Variants in MTSS1 observed in about 807,000 individuals in gnomAD.
MTSS1 encodes protein MTSS 1.
Under a neutral mutation model 79.0 loss-of-function variants are expected in MTSS1, and 18 were observed. The ratio of observed to expected loss-of-function variants is 0.23; its 90% CI spans 0.16 to 0.34. The LOEUF is 0.34. Ranked by LOEUF, MTSS1 falls within the 10% of genes least tolerant of loss-of-function variation. The pLI, the probability that MTSS1 is intolerant of heterozygous loss-of-function variation, is 1.00. For synonymous variants in MTSS1, 341 were observed against 368.6 expected (o/e 0.93, Z 0.86); for missense variants, 815 against 986.2 (o/e 0.83, Z 2.33).
chr8:124,620,530 A>G (rs1397190867), intron 3 of MTSS1, among the ~76,000 whole-genome samples: 4 of 152,160 alleles, frequency 2.6e-5, no homozygotes, highest in Admixed American at 6.5e-5. Flanking sequence ...TCTTTTACCA[A>G]CATAAACCCT....
At position 124,727,581 on chromosome 8, in the gene MTSS1, A is replaced by C; in HGVS notation, c.72+303T>G. The C allele has an allele frequency of 7.3e-6, 4 of 548,728 alleles. No individual in the cohort carries two copies. Among genetic ancestry groups the C allele is most frequent in the Non-Finnish European group, 1.0e-5 (3 of 286,926 alleles). 34.0% of individuals were successfully genotyped at this position (548,728 alleles called of 1,614,324 possible). A position where few individuals can be genotyped will look rare whatever the true frequency, so the allele number is the denominator to read the frequency against. Reference sequence around the variant, plus strand: ...CTTACTTCAGGGACAGACAATGGGAAAACTTGCAGCCAGTGCCTTGAGCCC... The same window carrying C: ...CTTACTTCAGGGACAGACAATGGGACAACTTGCAGCCAGTGCCTTGAGCCC... On this transcript the variant is annotated intron_variant, in intron 1 of 13. Coordinates refer to ENST00000518547, the MANE Select transcript of MTSS1 (RefSeq NM_014751.6). This position sits in a 1 kb window ranked among gnomAD's most constrained non-coding sequence, Gnocchi z 4.7.
chr8:124,612,584 G>A (rs1836041672), intron 3 of MTSS1, among the ~76,000 whole-genome samples: 1 of 96,966 alleles, frequency 1.0e-5, no homozygotes, highest in African/African-American at 4.6e-5. Flanking sequence ...ATGTGTGTGT[G>A]TGTGTGTGTG....
intron 10 of MTSS1, among the ~76,000 whole-genome samples, chr8:124,562,450 C>T (rs1422763404): frequency 6.6e-6 from 1 of 152,158 alleles, no homozygotes; most frequent in Non-Finnish European, 1.5e-5. Flanking sequence ...GTGCAATGCC[C>T]TTTAATTATA....
intron 3 of MTSS1, among the ~76,000 whole-genome samples, chr8:124,654,459 G>C (rs1820580766): frequency 6.6e-6 from 1 of 152,162 alleles, no homozygotes; most frequent in Non-Finnish European, 1.5e-5. Context: ...CTATAGCAGA[G>C]AAGTTCTTCC....
At chr8:124,634,133 G>A (rs62530688) in intron 3 of MTSS1, among the ~76,000 whole-genome samples, 27,240 of 149,684 alleles carry the variant, frequency 0.18, 2,758 homozygotes, top group African/African-American at 0.28. Flanking sequence ...TTTGAGACAG[G>A]GTCTCACTCT....
chr8:124,668,014 G>A (rs1363002840), intron 3 of MTSS1, among the ~76,000 whole-genome samples: 1 of 152,074 alleles, frequency 6.6e-6, no homozygotes, highest in African/African-American at 2.4e-5. Flanking sequence ...CCTGAGTTCA[G>A]AGGGTCAAGG....
rs181534098 is a variant in MTSS1, at chr8:124,550,884, A to G, written c.*2108T>C. ...ACAATTGTTATTTATACAAGTTTAG[A>G]ACAAAAAACTGCACAGGGAGAGGTC... On this transcript the variant is annotated 3_prime_UTR_variant, in exon 14 of 14. Transcript: ENST00000518547. 1.3e-5 allele frequency: 2 copies of G among 152,740 alleles called. No homozygotes were observed. Among genetic ancestry groups the G allele is most frequent in the African/African-American group, 4.8e-5 (2 of 41,570 alleles). The allele number at this position is 152,740 out of a possible 1,614,324, so 9.5% of individuals were successfully genotyped here. A position where few individuals can be genotyped will look rare whatever the true frequency, so the allele number is the denominator to read the frequency against.
chr8:124,718,840 T>C (rs898111629), intron 1 of MTSS1, among the ~76,000 whole-genome samples: 5 of 152,150 alleles, frequency 3.3e-5, no homozygotes, highest in Non-Finnish European at 5.9e-5. Context: ...CACACTTCGA[T>C]CTCACAGCTC....
At chr8:124,601,114 G>A (rs546793258) in intron 3 of MTSS1, among the ~76,000 whole-genome samples, 13 of 142,460 alleles carry the variant, frequency 9.1e-5, no homozygotes, top group Admixed American at 5.9e-4. Context: ...AGGCTGGAGT[G>A]CAGTGGCGTG....
intron 3 of MTSS1, among the ~76,000 whole-genome samples, chr8:124,605,567 G>GCA (rs1834660179): frequency 1.5e-5 from 2 of 129,716 alleles, no homozygotes; most frequent in South Asian, 4.5e-4. Context: ...CTGCCCTCTC[G>GCA]CTGCCTCCCT....
chr8:124,569,440 T>A (rs1330132357), intron 6 of MTSS1, among the ~76,000 whole-genome samples: 3 of 152,204 alleles, frequency 2.0e-5, no homozygotes, highest in Non-Finnish European at 2.9e-5. Context: ...GACCATGGCC[T>A]CTTGCAAAAG....
chr8:124,580,497 A>G, intron 6 of MTSS1: 1 of 1,533,626 alleles, frequency 6.5e-7, no homozygotes, highest in African/African-American at 1.4e-5. Flanking sequence ...CGGAAAGCCC[A>G]CAGCAAGGAC....
intron 6 of MTSS1, 89 bp downstream of exon 6, chr8:124,584,998 G>A (rs2132527152): frequency 9.3e-7 from 1 of 1,080,136 alleles, no homozygotes; most frequent in East Asian, 2.4e-5. Context: ...CATACTTAAG[G>A]AAGTCTCTGA....
intron 5 of MTSS1, among the ~76,000 whole-genome samples, chr8:124,586,915 T>C (rs116514867): frequency 2.0e-5 from 3 of 152,188 alleles, no homozygotes; most frequent in African/African-American, 7.2e-5. Flanking sequence ...TTTTATTGGA[T>C]GAGTAGACCT....
intron 1 of MTSS1, among the ~76,000 whole-genome samples, chr8:124,723,601 T>C (rs1833263485): frequency 6.6e-6 from 1 of 152,210 alleles, no homozygotes; most frequent in Non-Finnish European, 1.5e-5. Flanking sequence ...ACCAAAAAGA[T>C]GACTCTACAT....
At chr8:124,717,335 T>C (rs1181337814) in intron 1 of MTSS1, among the ~76,000 whole-genome samples, 2 of 148,180 alleles carry the variant, frequency 1.3e-5, no homozygotes, top group East Asian at 2.0e-4. Context: ...TTACTAAAGA[T>C]ACAAAAAAAA....
At chr8:124,623,781 A>G (rs1814084853) in intron 3 of MTSS1, among the ~76,000 whole-genome samples, 2 of 152,144 alleles carry the variant, frequency 1.3e-5, no homozygotes, top group Non-Finnish European at 2.9e-5. Flanking sequence ...CCGGGACTAC[A>G]GGCCCACACC....
At chr8:124,607,383 C>T (rs1049046251) in intron 3 of MTSS1, among the ~76,000 whole-genome samples, 3 of 152,252 alleles carry the variant, frequency 2.0e-5, no homozygotes, top group Non-Finnish European at 4.4e-5. Context: ...TCTTCTTCTC[C>T]TCCTCTCTAT....
intron 3 of MTSS1, among the ~76,000 whole-genome samples, chr8:124,619,016 G>T (rs769273786): frequency 2.6e-5 from 4 of 152,210 alleles, no homozygotes; most frequent in Non-Finnish European, 4.4e-5. Flanking sequence ...TTAACGGCAG[G>T]TGATTAATAT....
Sources: allele counts gnomAD v4.1 joint callset (sites outside exome capture counted in the v4.1 genomes callset), GRCh38; gene constraint gnomAD v4.1.1; non-coding constraint Gnocchi (gnomAD v3.1); transcripts MANE v1.5; gene names NCBI Gene and HGNC (gene_info 2026-07-23, HGNC 2026-07-21).